AKT3: variants seen among roughly 807,000 people sequenced by gnomAD.
AKT3 encodes the protein AKT serine/threonine kinase 3.
In AKT3, 15 loss-of-function variants were observed where a neutral mutation model predicts 65.3. The ratio of observed to expected loss-of-function variants is 0.23; its 90% confidence interval spans 0.15 to 0.35. The LOEUF (loss-of-function observed/expected upper bound fraction) is 0.35. Ranked by LOEUF, AKT3 falls within the 10% of genes least tolerant of loss-of-function variation. AKT3 has a pLI of 1.00. For missense variants in AKT3, 243 were observed against 576.5 expected, an observed-to-expected ratio of 0.42 and a Z score of 5.92; for synonymous variants, 206 against 183.8, an observed-to-expected ratio of 1.12 and a Z score of -0.98.
intron 2 of AKT3, among the ~76,000 whole-genome samples, chr1:243,829,981 C>G (rs1694401950): frequency 6.6e-6 from 1 of 152,186 alleles, no homozygotes; most frequent in Non-Finnish European, 1.5e-5. Context: ...CTTCTGGGCA[C>G]TACGCTGTAA....
In AKT3 at chr1:243,766,834, C is replaced by A. The variant is rs146291702; in HGVS notation, c.47-71118G>T. 1.8e-4 allele frequency among the ~76,000 whole-genome samples: 28 copies of A among 152,120 alleles called. No individual in the cohort carries two copies. In the East Asian group the frequency reaches 5.0e-3, roughly 27 times the overall value. On this transcript the variant is annotated intron_variant, in intron 2 of 13. Transcript: ENST00000673466. ...ACAGTAGAAGATAATAGCACGTGCA[C>A]AGGGGACTGAAGTAGGTAGAAGATA...
chr1:243,612,177 T>C lies in AKT3; in HGVS notation c.696+1494A>G, dbSNP rs545505664. On this transcript the variant is annotated intron_variant, in intron 8 of 13. Transcript: ENST00000673466. ...AGGCTGAAGTGCAGTGGCATGACCATGGCTCACTGCAGCCTTGACCTCCCA... is the reference window on the plus strand; with the variant it reads ...AGGCTGAAGTGCAGTGGCATGACCACGGCTCACTGCAGCCTTGACCTCCCA... Among the ~76,000 whole-genome samples, 12 of 152,192 alleles carry C rather than the reference T, an allele frequency of 7.9e-5. 1 individual carries two copies. The South Asian group carries it at 2.3e-3, about 29-fold the overall frequency.
At chr1:243,701,858 C>G (rs995729005) in intron 2 of AKT3, among the ~76,000 whole-genome samples, 2 of 152,104 alleles carry the variant, frequency 1.3e-5, no homozygotes, top group Non-Finnish European at 2.9e-5. Context: ...ATAGATGTTA[C>G]TGTTTTATCA....
intron 2 of AKT3, among the ~76,000 whole-genome samples, chr1:243,828,097 A>G (rs1460579798): frequency 6.7e-6 from 1 of 150,086 alleles, no homozygotes; most frequent in East Asian, 2.0e-4. Context: ...AACAAAACTT[A>G]AAAGGGCAAG....
chr1:243,795,449 G>GTTTTGTTTTTTTTTTTTTTT lies in AKT3; in HGVS notation c.46+47675_46+47676insAAAAAAAAAAAAAAACAAAA, dbSNP rs1691898953. ...GGCGTAGGTTTCCCTTGATCTCCTT[G>GTTTTGTTTTTTTTTTTTTTT]TTTTTTTTTTTTGTTTTTTTTTTTT... On this transcript the variant is annotated intron_variant, in intron 2 of 13. Coordinates refer to ENST00000673466, the MANE Select transcript of AKT3 (RefSeq NM_005465.7). 6.4e-5 allele frequency among the ~76,000 whole-genome samples: 6 copies of GTTTTGTTTTTTTTTTTTTTT among 93,482 alleles called. 1 individual carries two copies. The highest frequency in any genetic ancestry group is 2.9e-4 in the African/African-American group (6 of 20,402). The allele number at this position is 93,482 out of a possible 152,430, so 61.3% of individuals were successfully genotyped here.
intron 4 of AKT3, among the ~76,000 whole-genome samples, chr1:243,657,514 AAGACATCCCATGTTCATGC>A (rs1681898781): frequency 6.6e-6 from 1 of 152,216 alleles, no homozygotes; most frequent in Non-Finnish European, 1.5e-5. Context: ...AATAAATGGA[AAGACATCCCATGTTCATGC>A]ACTGAAAGGT....
intron 6 of AKT3, among the ~76,000 whole-genome samples, chr1:243,635,463 A>T (rs973127358): frequency 1.3e-5 from 2 of 152,036 alleles, no homozygotes; most frequent in African/African-American, 4.8e-5. Context: ...AAGTCAACAA[A>T]GCCAAAAGTT....
In AKT3 at chr1:243,645,073, C is replaced by T. The variant is rs75156605; in HGVS notation, c.429+820G>A. Among the ~76,000 whole-genome samples the T allele has an allele frequency of 3.9e-3, 591 of 152,196 alleles. 1 individual carries two copies. Among genetic ancestry groups the T allele is most frequent in the Non-Finnish European group, 7.1e-3 (480 of 67,996 alleles). On this transcript the variant is annotated intron_variant, in intron 5 of 13. Coordinates refer to ENST00000673466, the MANE Select transcript of AKT3 (RefSeq NM_005465.7). ...AACTTCACCAAGTCCACAAGTTTAA[C>T]GTGGAAAAGGGAGGATATGAACTCA... is the stretch of plus-strand genomic sequence containing the variant.
chr1:243,784,042 G>A (rs1265194429), intron 2 of AKT3, among the ~76,000 whole-genome samples: 1 of 152,052 alleles, frequency 6.6e-6, no homozygotes, highest in Non-Finnish European at 1.5e-5. Context: ...AAAAGGCAGA[G>A]ACAGCCAACA....
chr1:243,608,221 T>G (rs1214618858), intron 8 of AKT3, among the ~76,000 whole-genome samples: 1 of 152,156 alleles, frequency 6.6e-6, no homozygotes, highest in Non-Finnish European at 1.5e-5. Flanking sequence ...CTTATCGGAC[T>G]ACCATTGTGC....
intron 2 of AKT3, among the ~76,000 whole-genome samples, chr1:243,797,134 T>TTA (rs1243408999): frequency 2.0e-5 from 3 of 152,056 alleles, no homozygotes; most frequent in South Asian, 2.1e-4. Context: ...AAATTTTATG[T>TTA]TATATATATT....
intron 6 of AKT3, among the ~76,000 whole-genome samples, chr1:243,635,606 A>G (rs138408104): frequency 6.6e-6 from 1 of 152,122 alleles, no homozygotes; most frequent in Non-Finnish European, 1.5e-5. Context: ...ATCCACTGAT[A>G]TGGGTGTTAA....
intron 2 of AKT3, among the ~76,000 whole-genome samples, chr1:243,704,199 G>A: frequency 6.6e-6 from 1 of 152,096 alleles, no homozygotes; most frequent in South Asian, 2.1e-4. Context: ...GATCAAAAAA[G>A]CCACTTTAAA....
At chr1:243,633,510 G>A (rs1456222350) in intron 6 of AKT3, among the ~76,000 whole-genome samples, 1 of 152,044 alleles carries the variant, frequency 6.6e-6, no homozygotes, top group Non-Finnish European at 1.5e-5. Flanking sequence ...AAAGGAGTAA[G>A]GACAGAATTG....
chr1:243,650,167 T>C (rs1463160436), intron 4 of AKT3, among the ~76,000 whole-genome samples: 1 of 152,252 alleles, frequency 6.6e-6, no homozygotes, highest in Non-Finnish European at 1.5e-5. Flanking sequence ...TGACCAGTGA[T>C]GATGAGCATT....
intron 2 of AKT3, among the ~76,000 whole-genome samples, chr1:243,790,332 T>C (rs896843801): frequency 1.3e-5 from 2 of 152,248 alleles, no homozygotes; most frequent in African/African-American, 2.4e-5. Flanking sequence ...TACATCAACA[T>C]TGATTGCTTC....
At position 243,777,904 on chromosome 1, in the gene AKT3, G is replaced by A. The variant is rs1346870055; in HGVS notation, c.46+65221C>T. ...GTTAGACCTCTCACAATCTGTCCCT[G>A]TTTTTCCTTTTCTCCCTGACTCACC... On this transcript the variant is annotated intron_variant, in intron 2 of 13. Coordinates refer to ENST00000673466, the MANE Select transcript of AKT3 (RefSeq NM_005465.7). Among the ~76,000 whole-genome samples, 3 of 152,108 alleles carry A rather than the reference G, an allele frequency of 2.0e-5. No homozygotes were observed. In the East Asian group the frequency reaches 5.8e-4, roughly 29 times the overall value.
At chr1:243,530,227 A>T (rs1574547640) in intron 12 of AKT3, among the ~76,000 whole-genome samples, 1 of 152,278 alleles carries the variant, frequency 6.6e-6, no homozygotes, top group East Asian at 1.9e-4. Context: ...GGGCAGAGAA[A>T]ATCGGGTTGT....
At chr1:243,707,811 C>T (rs1377580257) in intron 2 of AKT3, among the ~76,000 whole-genome samples, 1 of 152,034 alleles carries the variant, frequency 6.6e-6, no homozygotes, top group African/African-American at 2.4e-5. Context: ...TTTACCTCTA[C>T]TTTAAAAACG....
Sources: allele counts gnomAD v4.1 joint callset (sites outside exome capture counted in the v4.1 genomes callset), GRCh38; gene constraint gnomAD v4.1.1; transcripts MANE v1.5; gene names NCBI Gene and HGNC (gene_info 2026-07-23, HGNC 2026-07-21).